Variants in ABCG2 observed in about 807,000 individuals in gnomAD.
The protein encoded by ABCG2 is ATP binding cassette subfamily G member 2 (JR blood group).
A neutral mutation model predicts 73.5 loss-of-function variants in ABCG2; 80 were observed. That is an observed-to-expected ratio of 1.09 (90% CI 0.91 to 1.31). The LOEUF is 1.31. Among genes scored for constraint, ABCG2 ranks in the 50% most tolerant of loss-of-function variants. The pLI is 0.00. For synonymous variants in ABCG2, 269 were observed against 282.4 expected (o/e 0.95, Z 0.48); for missense variants, 796 against 786.2 (o/e 1.01, Z -0.15).
intron 13 of ABCG2, among the ~76,000 whole-genome samples, chr4:88,097,224 A>T (rs1722043837): frequency 6.6e-6 from 1 of 152,188 alleles, no homozygotes; most frequent in South Asian, 2.1e-4. Context: ...TAACAATATT[A>T]ACTAAAATTA....
intron 1 of ABCG2, among the ~76,000 whole-genome samples, chr4:88,203,774 A>C (rs1309917477): frequency 6.6e-6 from 1 of 150,764 alleles, no homozygotes; most frequent in Non-Finnish European, 1.5e-5. Flanking sequence ...AAAAAAAAGA[A>C]AGAAACTTAA....
intron 6 of ABCG2, among the ~76,000 whole-genome samples, chr4:88,119,167 C>G (rs1723792885): frequency 6.6e-6 from 1 of 152,216 alleles, no homozygotes; most frequent in South Asian, 2.1e-4. Context: ...GGGAGTTCCC[C>G]TGCACAAGCT....
chr4:88,112,941 C>T (rs1463259662), intron 9 of ABCG2, among the ~76,000 whole-genome samples: 1 of 151,536 alleles, frequency 6.6e-6, no homozygotes, highest in Non-Finnish European at 1.5e-5. Context: ...GAAACCCCAT[C>T]TCTACACAAA....
intron 1 of ABCG2, among the ~76,000 whole-genome samples, chr4:88,224,727 T>C (rs1219297526): frequency 6.6e-6 from 1 of 152,214 alleles, no homozygotes; most frequent in Non-Finnish European, 1.5e-5. Context: ...ATTTATCTAA[T>C]TTTTATTTTG....
chr4:88,199,138 T>C (rs1204080398), intron 1 of ABCG2, among the ~76,000 whole-genome samples: 2 of 151,930 alleles, frequency 1.3e-5, no homozygotes. Context: ...CCAACTAATT[T>C]TTGCATTTTT....
chr4:88,204,625 C>T (rs1012925345), intron 1 of ABCG2, among the ~76,000 whole-genome samples: 2 of 152,202 alleles, frequency 1.3e-5, no homozygotes, highest in Non-Finnish European at 2.9e-5. Context: ...AAGTTTTGCA[C>T]ATCTTCAGTA....
intron 1 of ABCG2, among the ~76,000 whole-genome samples, chr4:88,182,785 C>A (rs1272198995): frequency 2.0e-5 from 3 of 152,012 alleles, no homozygotes; most frequent in African/African-American, 7.2e-5. Context: ...TATGCACCTA[C>A]ATAAAAAGGT....
chr4:88,115,031 G>C lies in ABCG2; in HGVS notation c.869C>G (p.Pro290Arg). The change falls in exon 8 of 16, where the codon CCT becomes CGT. Residue 290 changes from proline to arginine, a missense_variant. Coordinates refer to ENST00000237612, the MANE Select transcript of ABCG2 (RefSeq NM_004827.3). ...AATGATGTCCAAGAAGAAGTCTGCAGGGTTATTATAGGCCTCACAGTGATA... is the reference window on the plus strand; with the variant it reads ...AATGATGTCCAAGAAGAAGTCTGCACGGTTATTATAGGCCTCACAGTGATA... ...AGYHCEAYNN[P>R]ADFFLDIING... 1 of 1,612,896 alleles carries C rather than the reference G, an allele frequency of 6.2e-7. No individual in the cohort carries two copies. Among genetic ancestry groups the C allele is most frequent in the Non-Finnish European group, 8.5e-7 (1 of 1,179,286 alleles).
At chr4:88,216,199 C>T (rs181914331) in intron 1 of ABCG2, among the ~76,000 whole-genome samples, 6 of 152,162 alleles carry the variant, frequency 3.9e-5, no homozygotes, top group Non-Finnish European at 8.8e-5. Flanking sequence ...ATGCTTAAGG[C>T]ACAAAGATCT....
At chr4:88,195,254 T>C (rs1728898190) in intron 1 of ABCG2, among the ~76,000 whole-genome samples, 1 of 152,114 alleles carries the variant, frequency 6.6e-6, no homozygotes. Context: ...ATATTCCAGA[T>C]TATAAAATTT....
chr4:88,147,127 A>T (rs1430288733), intron 1 of ABCG2, among the ~76,000 whole-genome samples: 2 of 152,186 alleles, frequency 1.3e-5, no homozygotes, highest in African/African-American at 4.8e-5. Context: ...AGTAAAAAAG[A>T]AAACTAAAAG....
chr4:88,160,671 G>A (rs1560728823), upstream of ABCG2, among the ~76,000 whole-genome samples: 1 of 151,810 alleles, frequency 6.6e-6, no homozygotes, highest in Non-Finnish European at 1.5e-5. Flanking sequence ...CCAACATGGT[G>A]AAACCCTTCT....
chr4:88,122,258 C>T (rs771948299), intron 5 of ABCG2, among the ~76,000 whole-genome samples: 4 of 152,148 alleles, frequency 2.6e-5, no homozygotes, highest in Non-Finnish European at 5.9e-5. Context: ...GACACTGAGA[C>T]AGCTGCAGGA....
At chr4:88,192,756 G>T (rs1026054603) in intron 1 of ABCG2, among the ~76,000 whole-genome samples, 2 of 149,240 alleles carry the variant, frequency 1.3e-5, no homozygotes, top group Non-Finnish European at 3.0e-5. Context: ...CTGTTGCCCA[G>T]GTTGGAGTGC....
At position 88,132,623 on chromosome 4, in the gene ABCG2, T is replaced by C. The variant is rs1461079169; in HGVS notation, c.216A>G (p.Lys72=). ...GTCCCAGGATGGCGTTGAGACCAGGTTTCATGATCCCACTGTAAACACAAA... is the reference window on the plus strand; with the variant it reads ...GTCCCAGGATGGCGTTGAGACCAGGCTTCATGATCCCACTGTAAACACAAA... ...EILSNINGIM[K]PGLNAILGPT... is the part of the protein sequence containing the mutation. Residue 72 remains lysine, a synonymous_variant, in exon 3 of 16, where the codon AAA becomes AAG. Coordinates refer to ENST00000237612, the MANE Select transcript of ABCG2 (RefSeq NM_004827.3). 4.3e-6 allele frequency: 7 copies of C among 1,614,104 alleles called. No individual in the cohort carries two copies. The highest frequency in any genetic ancestry group is 1.7e-5 in the Admixed American group (1 of 60,004).
intron 1 of ABCG2, among the ~76,000 whole-genome samples, chr4:88,175,471 A>C (rs1727922712): frequency 6.6e-6 from 1 of 152,236 alleles, no homozygotes; most frequent in African/African-American, 2.4e-5. Context: ...CACTTCATTA[A>C]GAATTTGTTC....
At chr4:88,195,146 A>T (rs966795739) in intron 1 of ABCG2, among the ~76,000 whole-genome samples, 1 of 152,126 alleles carries the variant, frequency 6.6e-6, no homozygotes, top group Admixed American at 6.6e-5. Flanking sequence ...AGGTGGGAGG[A>T]TCGCTTGAGG....
At chr4:88,135,628 A>G (rs1331524132) in intron 2 of ABCG2, among the ~76,000 whole-genome samples, 1 of 151,986 alleles carries the variant, frequency 6.6e-6, no homozygotes, top group Non-Finnish European at 1.5e-5. Flanking sequence ...TCAGCGTGAA[A>G]GTGTGTTCTG....
upstream of ABCG2, among the ~76,000 whole-genome samples, chr4:88,160,097 G>A (rs1232097279): frequency 6.6e-6 from 1 of 151,940 alleles, no homozygotes; most frequent in East Asian, 1.9e-4. Context: ...ACAAAAGTTA[G>A]CTGGGTGTGG....
Sources: gnomAD v4.1 joint callset for allele counts (sites outside exome capture counted in the v4.1 genomes callset) on GRCh38, gnomAD v4.1.1 for gene constraint, MANE v1.5 for transcripts, NCBI Gene and HGNC (gene_info 2026-07-23, HGNC 2026-07-21) for gene names.